ARHGAP19: variants seen among roughly 807,000 people sequenced by gnomAD.
ARHGAP19 encodes the protein rho GTPase-activating protein 19.
A neutral mutation model predicts 60.9 loss-of-function variants in ARHGAP19; 48 were observed. The observed-to-expected ratio is 0.79, with a 90% CI of 0.62 to 1.00. The LOEUF (loss-of-function observed/expected upper bound fraction) is 1.00, where lower values mean the gene tolerates loss of function less well. Ranked by LOEUF, ARHGAP19 falls within the 50% of genes least tolerant of loss-of-function variation. The pLI, the probability that ARHGAP19 is intolerant of heterozygous loss-of-function variation, is 0.00. For synonymous variants in ARHGAP19, 209 were observed against 215.5 expected (o/e 0.97, Z 0.27); for missense variants, 562 against 597.2 (o/e 0.94, Z 0.61).
intron 9 of ARHGAP19, among the ~76,000 whole-genome samples, chr10:97,231,577 G>A (rs183203216): frequency 2.6e-5 from 4 of 152,190 alleles, no homozygotes; most frequent in Admixed American, 2.6e-4. Context: ...TTTTATGACT[G>A]GATTATTTCT....
intron 11 of ARHGAP19, among the ~76,000 whole-genome samples, chr10:97,228,198 TA>T (rs1031528568): frequency 6.6e-6 from 1 of 152,230 alleles, no homozygotes; most frequent in Non-Finnish European, 1.5e-5. Flanking sequence ...AATTTATCCA[TA>T]AGGATTAGGC....
intron 7 of ARHGAP19, 72 bp from the exon 8 acceptor site, chr10:97,244,231 TG>T: frequency 1.5e-6 from 2 of 1,332,018 alleles, no homozygotes; most frequent in Non-Finnish European, 2.1e-6. Context: ...TACAAAAACC[TG>T]GAACAAAAAA....
chr10:97,267,846 C>A (rs921736078), intron 1 of ARHGAP19, among the ~76,000 whole-genome samples: 2 of 152,246 alleles, frequency 1.3e-5, no homozygotes, highest in Non-Finnish European at 2.9e-5. Context: ...AGGCCCTGGG[C>A]CCAGCCCACA....
chr10:97,283,532 C>A (rs868188968), intron 1 of ARHGAP19, among the ~76,000 whole-genome samples: 11 of 150,868 alleles, frequency 7.3e-5, no homozygotes, highest in Non-Finnish European at 1.2e-4. Context: ...CCGGCCTGGG[C>A]AACAGAGTGA....
At chr10:97,289,867 G>T (rs796086321) in intron 1 of ARHGAP19, among the ~76,000 whole-genome samples, 1 of 146,952 alleles carries the variant, frequency 6.8e-6, no homozygotes, top group Non-Finnish European at 1.5e-5. Context: ...AAAAAAAAAA[G>T]AAAGAAAGAA....
intron 1 of ARHGAP19, among the ~76,000 whole-genome samples, chr10:97,282,721 A>G (rs1016778029): frequency 4.0e-5 from 6 of 151,572 alleles, no homozygotes; most frequent in African/African-American, 9.7e-5. Flanking sequence ...ATCTATTTCT[A>G]TATTTCTTAG....
intron 6 of ARHGAP19, among the ~76,000 whole-genome samples, chr10:97,252,023 T>C (rs1347408447): frequency 6.6e-6 from 1 of 151,934 alleles, no homozygotes. Flanking sequence ...CTTAACTGTA[T>C]ATACATTGTA....
In ARHGAP19 at chr10:97,244,230, C is replaced by G. The variant is rs570324149; in HGVS notation, c.994-71G>C. 54 of 1,343,914 alleles carry G rather than the reference C, an allele frequency of 4.0e-5. 1 individual carries two copies. In the South Asian group the frequency reaches 7.4e-4, roughly 19 times the overall value. 83.2% of individuals were successfully genotyped at this position (1,343,914 alleles called of 1,614,324 possible). On this transcript the variant is annotated intron_variant, in intron 7 of 11. Transcript: ENST00000358531. ...TTTGTTTTGGGGTTCTTACAAAAAC[C>G]TGGAACAAAAAAAGGGAGAGTGGGG...
intron 3 of ARHGAP19, among the ~76,000 whole-genome samples, chr10:97,264,507 AG>A (rs1252821717): frequency 6.6e-6 from 1 of 152,074 alleles, no homozygotes; most frequent in African/African-American, 2.4e-5. Context: ...TGGAGAAAAA[AG>A]GTACCATGCT....
At chr10:97,248,136 T>C (rs1409758387) in intron 6 of ARHGAP19, among the ~76,000 whole-genome samples, 1 of 152,152 alleles carries the variant, frequency 6.6e-6, no homozygotes, top group East Asian at 1.9e-4. Context: ...CGGCTAATTT[T>C]TGTACTTTTG....
rs1261527624 is a variant in ARHGAP19, at chr10:97,243,867, GA to G, written c.1185+100del. 12 of 1,232,432 alleles carry G rather than the reference GA, an allele frequency of 9.7e-6. No homozygotes were observed. In the African/African-American group the frequency reaches 1.7e-4, roughly 17 times the overall value. 76.3% of individuals were successfully genotyped at this position (1,232,432 alleles called of 1,614,324 possible). ...CATAGACAAGCCTGATTTCTCAGCTGAACCAAAAATTAAATGAGATTCTTAA... is the reference window on the plus strand; with the variant it reads ...CATAGACAAGCCTGATTTCTCAGCTGACCAAAAATTAAATGAGATTCTTAA... On this transcript the variant is annotated intron_variant, in intron 8 of 11. Transcript: ENST00000358531.
intron 2 of ARHGAP19, 27 bp from the exon 3 acceptor site, chr10:97,264,933 C>A: frequency 6.6e-7 from 1 of 1,515,364 alleles, no homozygotes; most frequent in South Asian, 1.1e-5. Flanking sequence ...TATGACAGGG[C>A]TATATTTCAC....
At chr10:97,229,668 C>A in intron 10 of ARHGAP19, 96 bp downstream of exon 10, 1 of 931,278 alleles carries the variant, frequency 1.1e-6, no homozygotes, top group Non-Finnish European at 1.6e-6. Flanking sequence ...TTGAATGGCC[C>A]AAAGAAACAC....
intron 6 of ARHGAP19, among the ~76,000 whole-genome samples, chr10:97,251,454 G>C (rs1168254371): frequency 2.7e-5 from 2 of 72,832 alleles, no homozygotes; most frequent in African/African-American, 1.3e-4. Flanking sequence ...ACGGGGAAGG[G>C]GAAGGGAAAA....
At chr10:97,256,825 A>T (rs1252035357) in intron 5 of ARHGAP19, among the ~76,000 whole-genome samples, 3 of 152,220 alleles carry the variant, frequency 2.0e-5, no homozygotes, top group Admixed American at 6.5e-5. Flanking sequence ...CTGTTTCTTA[A>T]AAACACAGTA....
chr10:97,289,361 C>G (rs1843199755), intron 1 of ARHGAP19, among the ~76,000 whole-genome samples: 1 of 152,048 alleles, frequency 6.6e-6, no homozygotes, highest in South Asian at 2.1e-4. Context: ...GGTGATGCAC[C>G]CGCCTCAGCC....
intron 1 of ARHGAP19, among the ~76,000 whole-genome samples, chr10:97,273,922 C>T (rs1842991712): frequency 6.6e-6 from 1 of 151,486 alleles, no homozygotes; most frequent in Admixed American, 6.6e-5. Flanking sequence ...TGTACAATCA[C>T]AGCTAAATCT....
chr10:97,253,555 A>T (rs10882883), intron 6 of ARHGAP19, among the ~76,000 whole-genome samples: 2 of 151,830 alleles, frequency 1.3e-5, no homozygotes, highest in African/African-American at 4.8e-5. Flanking sequence ...GATAGAAGAA[A>T]TATGTTCTAA....
chr10:97,254,618 G>T (rs1421384115), intron 6 of ARHGAP19, among the ~76,000 whole-genome samples: 2 of 152,130 alleles, frequency 1.3e-5, no homozygotes, highest in African/African-American at 4.8e-5. Context: ...TCATGACAAT[G>T]GATGTGGCAG....
Sources: gnomAD v4.1 joint callset for allele counts (sites outside exome capture counted in the v4.1 genomes callset) on GRCh38, gnomAD v4.1.1 for gene constraint, MANE v1.5 for transcripts, NCBI Gene and HGNC (gene_info 2026-07-23, HGNC 2026-07-21) for gene names.